The following RBM39 variants were observed in gnomAD, a reference collection of about 807,000 sequenced individuals.
The protein encoded by RBM39 is RNA-binding protein 39.
In RBM39, 12 loss-of-function variants were observed where a neutral mutation model predicts 79.6. That is an observed-to-expected ratio of 0.15 (90% CI 0.10 to 0.24). The LOEUF (loss-of-function observed/expected upper bound fraction) is 0.24, where lower values mean the gene tolerates loss of function less well. Ranked by LOEUF, RBM39 falls within the 10% of genes least tolerant of loss-of-function variation. The pLI, the probability that RBM39 is intolerant of heterozygous loss-of-function variation, is 1.00. For missense variants in RBM39, 243 were observed against 653.4 expected, an observed-to-expected ratio of 0.37 and a Z score of 6.85; for synonymous variants, 185 against 208.4, an observed-to-expected ratio of 0.89 and a Z score of 0.97.
chr20:35,736,452 A>C (rs542132270), intron 3 of RBM39: 10 of 333,798 alleles, frequency 3.0e-5, no homozygotes, highest in South Asian at 1.7e-4. Flanking sequence ...ATAGTGGCTT[A>C]ACAAGCCCTG....
At chr20:35,731,766 G>A (rs1460449252) in intron 4 of RBM39, 175 bp downstream of exon 4, 2 of 679,796 alleles carry the variant, frequency 2.9e-6, no homozygotes, top group African/African-American at 3.6e-5. Context: ...TTACTTATTT[G>A]TCTATGCACT....
chr20:35,724,952 T>TA, intron 7 of RBM39, 86 bp downstream of exon 7: 1 of 1,065,382 alleles, frequency 9.4e-7, no homozygotes, highest in South Asian at 1.4e-5. Context: ...CAAATACTGC[T>TA]ACTAAATCAA....
intron 13 of RBM39, among the ~76,000 whole-genome samples, chr20:35,708,152 A>T (rs926872681): frequency 6.6e-6 from 1 of 152,040 alleles, no homozygotes; most frequent in Admixed American, 6.6e-5. Context: ...TCTGTAACAT[A>T]TAAGTTTTTT....
chr20:35,704,438 A>C lies in RBM39; in HGVS notation c.*43T>G, dbSNP rs760449606. Reference sequence around the variant, plus strand: ...AAAAGATAACTCAAGATGAATTCTCAAGAAAGAAAAAAAGCTATATACATA... The same window carrying C: ...AAAAGATAACTCAAGATGAATTCTCCAGAAAGAAAAAAAGCTATATACATA... On this transcript the variant is annotated 3_prime_UTR_variant, in exon 17 of 17. Coordinates refer to ENST00000253363, the MANE Select transcript of RBM39 (RefSeq NM_184234.3). 7.3e-7 allele frequency: 1 copy of C among 1,368,340 alleles called. No individual in the cohort carries two copies. The highest frequency in any genetic ancestry group is 1.3e-5 in the South Asian group (1 of 78,086). The allele number at this position is 1,368,340 out of a possible 1,614,324, so 84.8% of individuals were successfully genotyped here.
At chr20:35,712,370 T>C (rs948701123) in intron 12 of RBM39, among the ~76,000 whole-genome samples, 3 of 142,958 alleles carry the variant, frequency 2.1e-5, no homozygotes, top group Non-Finnish European at 4.5e-5. Context: ...GAGGCACAGG[T>C]TGCAGTGAGC....
At position 35,742,061 on chromosome 20, in the gene RBM39, G is replaced by T; in HGVS notation, c.-134C>A. 1 of 191,632 alleles carries T rather than the reference G, an allele frequency of 5.2e-6. No individual in the cohort carries two copies. Among genetic ancestry groups the T allele is most frequent in the Non-Finnish European group, 1.1e-5 (1 of 90,240 alleles). 11.9% of individuals were successfully genotyped at this position (191,632 alleles called of 1,614,324 possible). On this transcript the variant is annotated 5_prime_UTR_variant, in exon 1 of 17. Coordinates refer to ENST00000253363, the MANE Select transcript of RBM39 (RefSeq NM_184234.3). ...TGTTAAGCCCCTAGGCCCAGGCCGC[G>T]GAACCGCCCAGCCCGAATATCGGGT... is the stretch of plus-strand genomic sequence containing the variant.
chr20:35,704,146 G>C lies in RBM39; in HGVS notation c.*335C>G, dbSNP rs557408280. ...ATGTAACCACTGTGTAAAAAGTTAG[G>C]CTTCTGAAACATTAAAAACATTACA... On this transcript the variant is annotated 3_prime_UTR_variant, in exon 17 of 17. Transcript: ENST00000253363. 11 of 172,700 alleles carry C rather than the reference G, an allele frequency of 6.4e-5. No individual in the cohort carries two copies. Among genetic ancestry groups the C allele is most frequent in the Non-Finnish European group, 1.3e-4 (10 of 79,140 alleles). 10.7% of individuals were successfully genotyped at this position (172,700 alleles called of 1,614,324 possible).
chr20:35,718,696 C>G (rs2037487637), intron 9 of RBM39, among the ~76,000 whole-genome samples: 2 of 151,646 alleles, frequency 1.3e-5, no homozygotes, highest in Non-Finnish European at 1.5e-5. Context: ...GCCTGTAATC[C>G]CAGCTACTTG....
intron 9 of RBM39, among the ~76,000 whole-genome samples, chr20:35,717,962 C>T (rs1172104308): frequency 6.6e-6 from 1 of 152,094 alleles, no homozygotes; most frequent in Admixed American, 6.5e-5. Flanking sequence ...GGGTTCACAC[C>T]ATTCTCCTGC....
chr20:35,714,537 A>G (rs1600435304), intron 10 of RBM39, 148 bp from the exon 11 acceptor site: 2 of 1,177,922 alleles, frequency 1.7e-6, no homozygotes, highest in East Asian at 2.8e-5. Flanking sequence ...TAGCAAACAC[A>G]ACATACATGA....
chr20:35,709,081 T>C lies in RBM39; in HGVS notation c.1225+143A>G, dbSNP rs1193463855. On this transcript the variant is annotated intron_variant, in intron 13 of 16. Transcript: ENST00000253363. ...CTTCTGAAATACAGACAGATTACTATGAATATACCACTATGTGTCACTGTG... is the reference window on the plus strand; with the variant it reads ...CTTCTGAAATACAGACAGATTACTACGAATATACCACTATGTGTCACTGTG... 1.3e-5 allele frequency: 8 copies of C among 597,496 alleles called. No individual in the cohort carries two copies. In the South Asian group the frequency reaches 2.0e-4, roughly 15 times the overall value. The allele number at this position is 597,496 out of a possible 1,614,324, so 37.0% of individuals were successfully genotyped here.
chr20:35,729,188 G>A, intron 6 of RBM39, 124 bp downstream of exon 6: 1 of 715,920 alleles, frequency 1.4e-6, no homozygotes, highest in Non-Finnish European at 2.2e-6. Flanking sequence ...TAAAGTACTG[G>A]AAGTGCAAAA....
In RBM39 at chr20:35,730,853, A is replaced by G. The variant is rs575488073; in HGVS notation, c.296+1088T>C. ...TTGTGGTCCCATTTTCAGCTATTAA[A>G]AAGTTAATGAAATAAGCAGCTTGGA... On this transcript the variant is annotated intron_variant, in intron 4 of 16. Coordinates refer to ENST00000253363, the MANE Select transcript of RBM39 (RefSeq NM_184234.3). Among the ~76,000 whole-genome samples the G allele has an allele frequency of 4.6e-5, 7 of 152,324 alleles. No homozygotes were observed. The East Asian group carries it at 1.2e-3, about 25-fold the overall frequency.
intron 7 of RBM39, 29 bp downstream of exon 7, chr20:35,725,009 C>T: frequency 6.9e-7 from 1 of 1,457,360 alleles, no homozygotes. Flanking sequence ...TTTCTACCTA[C>T]TTGACCTCCC....
intron 9 of RBM39, among the ~76,000 whole-genome samples, chr20:35,718,580 G>A (rs1001640822): frequency 8.6e-5 from 13 of 151,942 alleles, no homozygotes; most frequent in Admixed American, 6.6e-5. Flanking sequence ...GGGAGGCCGA[G>A]GAGGGCGAAT....
At chr20:35,707,050 A>T (rs2425075) in intron 14 of RBM39, 70 bp downstream of exon 14, 23,990 of 700,346 alleles carry the variant, frequency 0.034, 1,127 homozygotes, top group African/African-American at 0.18. Flanking sequence ...AAAAAAAAAA[A>T]AGAGAAATAT....
At chr20:35,722,536 T>A (rs565863705) in intron 8 of RBM39, among the ~76,000 whole-genome samples, 1 of 142,080 alleles carries the variant, frequency 7.0e-6, no homozygotes, top group South Asian at 2.4e-4. Flanking sequence ...TAAGTGATCA[T>A]CCTTCCTTCT....
rs763773125 is a variant in RBM39 at position 35,707,120 on chromosome 20, G to A, written c.1307C>T (p.Thr436Ile). 16 of 1,564,102 alleles carry A rather than the reference G, an allele frequency of 1.0e-5. No individual in the cohort carries two copies. The highest frequency in any genetic ancestry group is 2.3e-5 in the East Asian group (1 of 43,476). ...FQLSNMFNPQ[T>I]EEEVGWDTEI... is the part of the protein sequence containing the mutation. ...ATCAAGAATAAAGTCCATTACTTAC[G>A]TTTGAGGGTTAAACATGTTAGAGAG... The change falls in exon 14 of 17, where the codon ACA (threonine) becomes ATA (isoleucine). Residue 436 changes from threonine (T) to isoleucine (I), a missense_variant and splice_region_variant. This residue lies in a region of RBM39 where 48 missense variants were observed against 130.2 expected (regional missense o/e 0.37). Coordinates refer to ENST00000253363, the MANE Select transcript of RBM39 (RefSeq NM_184234.3).
chr20:35,716,545 A>C (rs1235958685), intron 10 of RBM39, among the ~76,000 whole-genome samples, 195 bp downstream of exon 10: 1 of 152,138 alleles, frequency 6.6e-6, no homozygotes, highest in Non-Finnish European at 1.5e-5. Flanking sequence ...TTTTGTTACA[A>C]GGGCATATTA....
Sources: gnomAD v4.1 joint callset for allele counts (sites outside exome capture counted in the v4.1 genomes callset) on GRCh38, gnomAD v4.1.1 for gene constraint, gnomAD v4.1.1 regional missense constraint, MANE v1.5 for transcripts, NCBI Gene and HGNC (gene_info 2026-07-23, HGNC 2026-07-21) for gene names.